SPATA3: variants seen among roughly 807,000 people sequenced by gnomAD.
SPATA3 encodes the protein spermatogenesis-associated protein 3.
A neutral mutation model predicts 5.7 loss-of-function variants in SPATA3; 6 were observed. The observed-to-expected ratio is 1.06, with a 90% CI of 0.58 to 2.09. The LOEUF is 2.09. Ranked by LOEUF, SPATA3 falls within the 30% of genes most tolerant of loss-of-function variation. The probability of loss-of-function intolerance (pLI) is 0.00; values close to 1 mark genes in which losing one functional copy is unlikely to be tolerated. For missense variants in SPATA3, 155 were observed against 130.4 expected (o/e 1.19, Z -0.92); for synonymous variants, 44 against 48.4 (o/e 0.91, Z 0.37).
intron 1 of SPATA3, chr2:230,996,448 T>C: frequency 6.4e-7 from 1 of 1,552,322 alleles, no homozygotes; most frequent in Non-Finnish European, 8.7e-7. Context: ...TTCCAAGCCC[T>C]TCCAGCACCC....
At chr2:231,015,397 G>A (rs6750230) in intron 6 of SPATA3, among the ~76,000 whole-genome samples, 60,424 of 151,546 alleles carry the variant, frequency 0.4, 12,943 homozygotes, top group African/African-American at 0.55. Context: ...CTAGTCTTTG[G>A]AATGCCAACG....
chr2:230,998,196 G>T (rs1692201903), intron 1 of SPATA3, among the ~76,000 whole-genome samples: 1 of 152,220 alleles, frequency 6.6e-6, no homozygotes. Context: ...CCCCGGGATT[G>T]TGTGGGCATA....
chr2:231,013,585 G>A (rs1692848226), intron 5 of SPATA3, among the ~76,000 whole-genome samples: 1 of 151,926 alleles, frequency 6.6e-6, no homozygotes, highest in Non-Finnish European at 1.5e-5. Flanking sequence ...CCACCTCCCA[G>A]GTTCAAGCGA....
intron 2 of SPATA3, 21 bp from the exon 3 acceptor site, chr2:231,002,663 C>G (rs546756494): frequency 6.9e-7 from 1 of 1,439,434 alleles, no homozygotes; most frequent in Non-Finnish European, 9.3e-7. Flanking sequence ...CCACCACCCC[C>G]ACTTCTGCTT....
At chr2:231,006,689 A>T (rs1692638380), downstream of SPATA3, 1 of 152,162 alleles carries the variant, frequency 6.6e-6, no homozygotes, top group Non-Finnish European at 1.5e-5. Flanking sequence ...GCTCTTAATC[A>T]ACAGGCAGTT....
chr2:231,006,209 A>G (rs1389589808), downstream of SPATA3, among the ~76,000 whole-genome samples: 1 of 151,066 alleles, frequency 6.6e-6, no homozygotes, highest in African/African-American at 2.4e-5. Flanking sequence ...AAGAAAAAAA[A>G]AAAAAAAAAA....
At chr2:231,009,247 C>T (rs1360494730), downstream of SPATA3, among the ~76,000 whole-genome samples, 1 of 152,164 alleles carries the variant, frequency 6.6e-6, no homozygotes, top group Non-Finnish European at 1.5e-5. Context: ...AGGACCTGTG[C>T]TCTCCCTCTG....
At chr2:231,009,722 C>T (rs1280139176), downstream of SPATA3, among the ~76,000 whole-genome samples, 1 of 152,238 alleles carries the variant, frequency 6.6e-6, no homozygotes, top group Admixed American at 6.5e-5. Context: ...GTTCTGTTGA[C>T]ACATCCGCTA....
rs949474711 is a variant in SPATA3, at chr2:231,000,334, C to T, written c.791-32C>T. 4 of 1,421,390 alleles carry T rather than the reference C, an allele frequency of 2.8e-6. No individual in the cohort carries two copies. The East Asian group carries it at 8.2e-5, about 29-fold the overall frequency. 88.0% of individuals were successfully genotyped at this position (1,421,390 alleles called of 1,614,324 possible). On this transcript the variant is annotated intron_variant, in intron 1 of 2. Transcript: ENST00000645363. ...CCGCCCCAGCCTCCCAGGGCAGGTG[C>T]CTCCCTCACCTCTCTCCTTCTGTCC...
chr2:231,017,729 G>T (rs757649031), intron 6 of SPATA3, among the ~76,000 whole-genome samples: 1 of 152,212 alleles, frequency 6.6e-6, no homozygotes, highest in Non-Finnish European at 1.5e-5. Context: ...TGGCTATTCA[G>T]AGGGGCTGCA....
At chr2:231,016,330 C>T (rs1247622569) in intron 6 of SPATA3, among the ~76,000 whole-genome samples, 1 of 152,018 alleles carries the variant, frequency 6.6e-6, no homozygotes, top group Non-Finnish European at 1.5e-5. Context: ...GTGAAAAGCA[C>T]GGGTCATTTC....
downstream of SPATA3, among the ~76,000 whole-genome samples, chr2:231,010,042 A>G (rs1692743037): frequency 6.6e-6 from 1 of 152,254 alleles, no homozygotes; most frequent in African/African-American, 2.4e-5. Flanking sequence ...ATTTCCTATC[A>G]ATCACCATGC....
chr2:231,000,498 C>A, exon 2 of SPATA3: 1 of 1,547,662 alleles, frequency 6.5e-7, no homozygotes. Flanking sequence ...TGGCAGATGG[C>A]GCCAGGGAGA....
At chr2:231,014,988 C>T (rs1692891666) in intron 6 of SPATA3, among the ~76,000 whole-genome samples, 1 of 152,082 alleles carries the variant, frequency 6.6e-6, no homozygotes, top group South Asian at 2.1e-4. Flanking sequence ...TACAGGGAGT[C>T]CCAACTTGGG....
chr2:231,014,093 A>T (rs1048009067), exon 6 of SPATA3: 1 of 152,108 alleles, frequency 6.6e-6, no homozygotes, highest in African/African-American at 2.4e-5. Flanking sequence ...CTTCATCACA[A>T]GATGTTTGTA....
intron 6 of SPATA3, among the ~76,000 whole-genome samples, chr2:231,018,751 T>C (rs990422790): frequency 3.3e-5 from 5 of 151,910 alleles, no homozygotes; most frequent in African/African-American, 9.7e-5. Flanking sequence ...AGTGGCATAA[T>C]CTCAGCTCAC....
chr2:231,017,988 A>G (rs1692974431), intron 6 of SPATA3, among the ~76,000 whole-genome samples: 1 of 151,854 alleles, frequency 6.6e-6, no homozygotes, highest in African/African-American at 2.4e-5. Flanking sequence ...GCAGTGGCAC[A>G]ATCTCAGCTC....
downstream of SPATA3, among the ~76,000 whole-genome samples, chr2:231,005,027 A>G (rs1692497121): frequency 6.7e-6 from 1 of 148,740 alleles, no homozygotes; most frequent in Non-Finnish European, 1.5e-5. Flanking sequence ...CACCATCACC[A>G]TCATCACCAT....
At chr2:231,015,250 G>A (rs887175873) in intron 6 of SPATA3, among the ~76,000 whole-genome samples, 5 of 126,648 alleles carry the variant, frequency 3.9e-5, no homozygotes, top group Admixed American at 8.5e-5. Context: ...GCTAACTATC[G>A]TTTTGGCTTT....
Sources: gnomAD v4.1 joint callset for allele counts (sites outside exome capture counted in the v4.1 genomes callset) on GRCh38, gnomAD v4.1.1 for gene constraint, MANE v1.5 for transcripts, NCBI Gene and HGNC (gene_info 2026-07-23, HGNC 2026-07-21) for gene names.